The following LYL1 variants were observed in gnomAD, a reference collection of about 807,000 sequenced individuals.
The protein encoded by LYL1 is LYL1 basic helix-loop-helix family member, also known as protein lyl-1.
Under a neutral mutation model 11.1 loss-of-function variants are expected in LYL1, and 4 were observed. That is an observed-to-expected ratio of 0.36 (90% CI 0.18 to 0.82). The LOEUF (loss-of-function observed/expected upper bound fraction) is 0.82. Ranked by LOEUF, LYL1 falls within the 40% of genes least tolerant of loss-of-function variation. The probability of loss-of-function intolerance (pLI) is 0.49; values close to 1 mark genes in which losing one functional copy is unlikely to be tolerated. For missense variants in LYL1, 356 were observed against 397.6 expected (o/e 0.90, Z 0.89); for synonymous variants, 179 against 174.8 (o/e 1.02, Z -0.19).
Position 13,100,833 on chromosome 19 carries a change from T to C in LYL1, c.335+4A>G. 1 of 1,581,982 alleles carries C rather than the reference T, an allele frequency of 6.3e-7. No individual in the cohort carries two copies. Among genetic ancestry groups the C allele is most frequent in the Non-Finnish European group, 8.6e-7 (1 of 1,163,950 alleles). On this transcript the variant is annotated splice_donor_region_variant and intron_variant, in intron 2 of 3. Coordinates refer to ENST00000264824, the MANE Select transcript of LYL1 (RefSeq NM_005583.5). The stretch of plus-strand genomic sequence containing the variant: ...ACTGCCCCCCACCCCAGATCCCCAC[T>C]GACCTGTTGAGGAAGGGGTGAGGGT...
rs1446590574 is a variant in LYL1 at position 13,101,193 on chromosome 19, C to A, written c.-22G>T. 3 of 1,377,884 alleles carry A rather than the reference C, an allele frequency of 2.2e-6. No individual in the cohort carries two copies. The highest frequency in any genetic ancestry group is 3.4e-5 in the Admixed American group (1 of 29,470). 85.4% of individuals were successfully genotyped at this position (1,377,884 alleles called of 1,614,324 possible). On this transcript the variant is annotated splice_region_variant and 5_prime_UTR_variant, in exon 2 of 4. Coordinates refer to ENST00000264824, the MANE Select transcript of LYL1 (RefSeq NM_005583.5). This position sits in a 1 kb window ranked among gnomAD's most constrained non-coding sequence, Gnocchi z 5.1. Reference sequence around the variant, plus strand: ...ACATGGACCCCGACGTGGGGGTACTCACCTGTGGGAAAGAAGGCAGCCAGT... The same window carrying A: ...ACATGGACCCCGACGTGGGGGTACTAACCTGTGGGAAAGAAGGCAGCCAGT...
Position 13,101,990 on chromosome 19 carries a change from G to C in LYL1, c.-25+541C>G, listed in dbSNP as rs1264785650. ...TTTTTAAAATTTGTTTATTTTTTTA[G>C]AGACAGGGTCTCCCTCTGTTGTCCA... On this transcript the variant is annotated intron_variant, in intron 1 of 3. Transcript: ENST00000264824. This position sits in a 1 kb window ranked among gnomAD's most constrained non-coding sequence, Gnocchi z 5.1. The C allele has an allele frequency of 4.4e-6, 1 of 226,456 alleles. No individual in the cohort carries two copies. Among genetic ancestry groups the C allele is most frequent in the Non-Finnish European group, 8.8e-6 (1 of 113,940 alleles). 14.0% of individuals were successfully genotyped at this position (226,456 alleles called of 1,614,324 possible). A position where few individuals can be genotyped will look rare whatever the true frequency, so the allele number is the denominator to read the frequency against.
At chr19:13,100,219 GGTT>G (rs985676662) in intron 3 of LYL1, among the ~76,000 whole-genome samples, 3 of 152,330 alleles carry the variant, frequency 2.0e-5, no homozygotes, top group African/African-American at 7.2e-5. Context: ...GAGTGGCTGT[GGTT>G]GTGTGGCTGA....
At chr19:13,100,618 A>G (rs1179680809) in intron 3 of LYL1, 39 bp downstream of exon 3, 2 of 1,582,026 alleles carry the variant, frequency 1.3e-6, no homozygotes, top group African/African-American at 1.3e-5. Context: ...GTGCACATAC[A>G]GGCATACAAA....
chr19:13,099,818 G>T lies in LYL1; in HGVS notation c.428-84C>A. 7.9e-7 allele frequency: 1 copy of T among 1,265,868 alleles called. No homozygotes were observed. The highest frequency in any genetic ancestry group is 1.0e-6 in the Non-Finnish European group (1 of 967,076). 78.4% of individuals were successfully genotyped at this position (1,265,868 alleles called of 1,614,324 possible). On this transcript the variant is annotated intron_variant, in intron 3 of 3. Transcript: ENST00000264824. The surrounding 1 kb of genome is among the most constrained non-coding windows in gnomAD (Gnocchi z 5.3). ...CCCGCTAGACACGCAGCACCCTCGT[G>T]GGAACTTAAACCCAGGCCATGGGCT...
rs2018694780 is a variant in LYL1, at chr19:13,102,138, A to G, written c.-25+393T>C. The G allele has an allele frequency of 9.7e-6, 2 of 206,768 alleles. No individual in the cohort carries two copies. Among genetic ancestry groups the G allele is most frequent in the African/African-American group, 2.3e-5 (1 of 43,638 alleles). 12.8% of individuals were successfully genotyped at this position (206,768 alleles called of 1,614,324 possible). A position where few individuals can be genotyped will look rare whatever the true frequency, so the allele number is the denominator to read the frequency against. Reference sequence around the variant, plus strand: ...AGGCATGTGCCACCATGCCCGGCTAATTTAAAAAAAAAAATTTTTTTTGTA... The same window carrying G: ...AGGCATGTGCCACCATGCCCGGCTAGTTTAAAAAAAAAAATTTTTTTTGTA... On this transcript the variant is annotated intron_variant, in intron 1 of 3. Transcript: ENST00000264824. This position sits in a 1 kb window ranked among gnomAD's most constrained non-coding sequence, Gnocchi z 4.9.
chr19:13,099,629 GGCA>G lies in LYL1; in HGVS notation c.530_532del (p.Leu177del). 1.3e-6 allele frequency: 2 copies of G among 1,554,380 alleles called. No homozygotes were observed. The highest frequency in any genetic ancestry group is 1.7e-6 in the Non-Finnish European group (2 of 1,149,588). On this transcript the variant is annotated inframe_deletion, in exon 4 of 4. Coordinates refer to ENST00000264824, the MANE Select transcript of LYL1 (RefSeq NM_005583.5). This position sits in a 1 kb window ranked among gnomAD's most constrained non-coding sequence, Gnocchi z 5.3. ...CAGCTTCCGGTCGGGCGGGTGCGTC[GGCA>G]GCAGCTTCCTCAGCTCGGCGAAGGC...
rs2018632419 is a variant in LYL1 at position 13,099,110 on chromosome 19, T to C, written c.*209A>G. ...ACCGGGCAAGGCCACTTCCAGAGGG[T>C]TGTGGGTGATTTTTTTAAGGGTCTG... is the stretch of plus-strand genomic sequence containing the variant. On this transcript the variant is annotated 3_prime_UTR_variant, in exon 4 of 4. Coordinates refer to ENST00000264824, the MANE Select transcript of LYL1 (RefSeq NM_005583.5). This position sits in a 1 kb window ranked among gnomAD's most constrained non-coding sequence, Gnocchi z 5.3. 1 of 409,210 alleles carries C rather than the reference T, an allele frequency of 2.4e-6. No individual in the cohort carries two copies. The highest frequency in any genetic ancestry group is 2.1e-5 in the African/African-American group (1 of 48,558). The allele number at this position is 409,210 out of a possible 1,614,324, so 25.3% of individuals were successfully genotyped here. A position where few individuals can be genotyped will look rare whatever the true frequency, so the allele number is the denominator to read the frequency against.
At position 13,099,344 on chromosome 19, in the gene LYL1, G is replaced by C; in HGVS notation, c.818C>G (p.Thr273Ser). 7.8e-7 allele frequency: 1 copy of C among 1,284,786 alleles called. No homozygotes were observed. The highest frequency in any genetic ancestry group is 9.9e-7 in the Non-Finnish European group (1 of 1,014,026). 79.6% of individuals were successfully genotyped at this position (1,284,786 alleles called of 1,614,324 possible). A position where few individuals can be genotyped will look rare whatever the true frequency, so the allele number is the denominator to read the frequency against. Residue 273 changes from threonine to serine, a missense_variant, in exon 4 of 4, where the codon ACC (threonine) becomes AGC (serine). Thr to Ser is a moderately conservative substitution (Grantham distance 58). Transcript: ENST00000264824. This position sits in a 1 kb window ranked among gnomAD's most constrained non-coding sequence, Gnocchi z 5.3. ...TCACCGCACCTCTGGGCTCAAAGCG[G>C]TTTGCTCCATCTTGATGGGCCGGGC... ...GAARPIKMEQ[T>S]ALSPEVR is the part of the protein sequence containing the mutation.
chr19:13,101,319 T>A lies in LYL1; in HGVS notation c.-24-124A>T. ...GGGGGAAAGGAGGAGGAGAGAAGTT[T>A]CAGTAGGCAAAGGCAGATGGCGGGG... On this transcript the variant is annotated intron_variant, in intron 1 of 3. Coordinates refer to ENST00000264824, the MANE Select transcript of LYL1 (RefSeq NM_005583.5). The surrounding 1 kb of genome is among the most constrained non-coding windows in gnomAD (Gnocchi z 5.1). 2.5e-6 allele frequency: 1 copy of A among 406,630 alleles called. No individual in the cohort carries two copies. The highest frequency in any genetic ancestry group is 4.3e-6 in the Non-Finnish European group (1 of 232,440). 25.2% of individuals were successfully genotyped at this position (406,630 alleles called of 1,614,324 possible).
rs775611060 is a variant in LYL1, at chr19:13,101,105, C to A, written c.67G>T (p.Ala23Ser). Residue 23 changes from alanine (A) to serine (S), a missense_variant, in exon 2 of 4, where the codon GCC becomes TCC. By Grantham distance (99) the Ala-to-Ser change is moderately conservative. Coordinates refer to ENST00000264824, the MANE Select transcript of LYL1 (RefSeq NM_005583.5). This position sits in a 1 kb window ranked among gnomAD's most constrained non-coding sequence, Gnocchi z 5.1. ...TMTEKAEMVC[A>S]PSPAPAPPPK... ...GGTGGGGCAGGCGCTGGGCTGGGGG[C>A]ACACACCATCTCTGCCTTCTCAGTC... The A allele has an allele frequency of 1.3e-6, 2 of 1,489,554 alleles. No individual in the cohort carries two copies. The highest frequency in any genetic ancestry group is 1.8e-6 in the Non-Finnish European group (2 of 1,122,746). 92.3% of individuals were successfully genotyped at this position (1,489,554 alleles called of 1,614,324 possible). A position where few individuals can be genotyped will look rare whatever the true frequency, so the allele number is the denominator to read the frequency against.
In LYL1 at chr19:13,102,366, T is replaced by C; in HGVS notation, c.-25+165A>G. On this transcript the variant is annotated intron_variant, in intron 1 of 3. Transcript: ENST00000264824. The surrounding 1 kb of genome is among the most constrained non-coding windows in gnomAD (Gnocchi z 4.9). ...GATGTCCCAGCAAGGTGTGAGACTG[T>C]TGGCCCCTCTGCCCTGTCTTCCTCA... The C allele has an allele frequency of 5.0e-6, 1 of 199,996 alleles. No homozygotes were observed. Among genetic ancestry groups the C allele is most frequent in the Non-Finnish European group, 1.0e-5 (1 of 96,676 alleles). The allele number at this position is 199,996 out of a possible 1,614,324, so 12.4% of individuals were successfully genotyped here. A position where few individuals can be genotyped will look rare whatever the true frequency, so the allele number is the denominator to read the frequency against.
Position 13,099,401 on chromosome 19 carries a change from G to T in LYL1, c.761C>A (p.Pro254Gln). The T allele has an allele frequency of 8.0e-7, 1 of 1,243,810 alleles. No individual in the cohort carries two copies. The highest frequency in any genetic ancestry group is 1.0e-6 in the Non-Finnish European group (1 of 990,138). The allele number at this position is 1,243,810 out of a possible 1,614,324, so 77.0% of individuals were successfully genotyped here. The change falls in exon 4 of 4, where the codon CCG becomes CAG. Residue 254 changes from proline (P) to glutamine (Q), a missense_variant. Physicochemically the swap from Pro to Gln is moderately conservative, Grantham distance 76. Transcript: ENST00000264824. This position sits in a 1 kb window ranked among gnomAD's most constrained non-coding sequence, Gnocchi z 5.3. ...EAAARSQPAP[P>Q]ADPDGSPGGA... Reference sequence around the variant, plus strand: ...ACCGGGGCTGCCGTCGGGGTCGGCCGGGGGCGCGGGCTGCGAGCGCGCTGC... The same window carrying T: ...ACCGGGGCTGCCGTCGGGGTCGGCCTGGGGCGCGGGCTGCGAGCGCGCTGC...
Position 13,099,209 on chromosome 19 carries a change from C to T in LYL1, c.*110G>A, listed in dbSNP as rs1467208466. Reference sequence around the variant, plus strand: ...GCCCCTGACGTCTTCACTGGTCCTTCTTCGGGGGAGTTCGCTCCCGAACAT... The same window carrying T: ...GCCCCTGACGTCTTCACTGGTCCTTTTTCGGGGGAGTTCGCTCCCGAACAT... On this transcript the variant is annotated 3_prime_UTR_variant, in exon 4 of 4. Coordinates refer to ENST00000264824, the MANE Select transcript of LYL1 (RefSeq NM_005583.5). This position sits in a 1 kb window ranked among gnomAD's most constrained non-coding sequence, Gnocchi z 5.3. The T allele has an allele frequency of 3.3e-5, 35 of 1,055,820 alleles. No individual in the cohort carries two copies. Among genetic ancestry groups the T allele is most frequent in the Non-Finnish European group, 4.1e-5 (34 of 829,788 alleles). 65.4% of individuals were successfully genotyped at this position (1,055,820 alleles called of 1,614,324 possible).
In LYL1 at chr19:13,100,821, CCA is replaced by C; in HGVS notation, c.335+14_335+15del. 1 of 1,588,988 alleles carries C rather than the reference CCA, an allele frequency of 6.3e-7. No homozygotes were observed. Among genetic ancestry groups the C allele is most frequent in the South Asian group, 1.1e-5 (1 of 88,580 alleles). On this transcript the variant is annotated intron_variant, in intron 2 of 3. Coordinates refer to ENST00000264824, the MANE Select transcript of LYL1 (RefSeq NM_005583.5). ...CCCCCAATCCCCACTGCCCCCCACC[CCA>C]GATCCCCACTGACCTGTTGAGGAAG...
Position 13,099,664 on chromosome 19 carries a change from A to G in LYL1, c.498T>C (p.Val166=). 6.4e-7 allele frequency: 1 copy of G among 1,551,340 alleles called. No homozygotes were observed. The highest frequency in any genetic ancestry group is 8.7e-7 in the Non-Finnish European group (1 of 1,148,256). Residue 166 remains valine, a synonymous_variant, in exon 4 of 4, where the codon GTT becomes GTC. Transcript: ENST00000264824. The surrounding 1 kb of genome is among the most constrained non-coding windows in gnomAD (Gnocchi z 5.3). ...TCCTCAGCTCGGCGAAGGCGCCGTTAACGTTCTGCTGCCGCCAGCGCTCCC... is the reference window on the plus strand; with the variant it reads ...TCCTCAGCTCGGCGAAGGCGCCGTTGACGTTCTGCTGCCGCCAGCGCTCCC... ...NSRERWRQQN[V]NGAFAELRKL...
In LYL1 at chr19:13,099,387, C is replaced by A. The variant is rs1480041687; in HGVS notation, c.775G>T (p.Gly259Cys). 8.0e-7 allele frequency: 1 copy of A among 1,256,746 alleles called. No individual in the cohort carries two copies. The highest frequency in any genetic ancestry group is 1.0e-6 in the Non-Finnish European group (1 of 997,788). 77.8% of individuals were successfully genotyped at this position (1,256,746 alleles called of 1,614,324 possible). A position where few individuals can be genotyped will look rare whatever the true frequency, so the allele number is the denominator to read the frequency against. Residue 259 changes from glycine to cysteine, a missense_variant, in exon 4 of 4, where the codon GGC (glycine) becomes TGC (cysteine). By Grantham distance (159) the Gly-to-Cys change is radical. Coordinates refer to ENST00000264824, the MANE Select transcript of LYL1 (RefSeq NM_005583.5). This position sits in a 1 kb window ranked among gnomAD's most constrained non-coding sequence, Gnocchi z 5.3. ...SQPAPPADPD[G>C]SPGGAARPIK... The stretch of plus-strand genomic sequence containing the variant: ...GGCCGGGCCGCTCCACCGGGGCTGC[C>A]GTCGGGGTCGGCCGGGGGCGCGGGC...
intron 2 of LYL1, 21 bp downstream of exon 2, chr19:13,100,816 C>G (rs766465464): frequency 6.3e-7 from 1 of 1,593,780 alleles, no homozygotes; most frequent in East Asian, 2.3e-5. Context: ...CCACTGCCCC[C>G]CACCCCAGAT....
Position 13,101,075 on chromosome 19 carries a change from T to C in LYL1, c.97A>G (p.Lys33Glu). ...TGCGGGGGCCCAGGCGAGGCAGGCT[T>C]AGGGGGTGGGGCAGGCGCTGGGCTG... ...APSPAPAPPP[K>E]PASPGPPQVE... Residue 33 changes from lysine to glutamate, a missense_variant, in exon 2 of 4, where the codon AAG (lysine) becomes GAG (glutamate). Lys to Glu is a moderately conservative substitution (Grantham distance 56, BLOSUM62 1). Coordinates refer to ENST00000264824, the MANE Select transcript of LYL1 (RefSeq NM_005583.5). This position sits in a 1 kb window ranked among gnomAD's most constrained non-coding sequence, Gnocchi z 5.1. 1 of 1,488,576 alleles carries C rather than the reference T, an allele frequency of 6.7e-7. No homozygotes were observed. The highest frequency in any genetic ancestry group is 1.4e-5 in the African/African-American group (1 of 71,004). The allele number at this position is 1,488,576 out of a possible 1,614,324, so 92.2% of individuals were successfully genotyped here.
Sources: allele counts gnomAD v4.1 joint callset (sites outside exome capture counted in the v4.1 genomes callset), GRCh38; gene constraint gnomAD v4.1.1; non-coding constraint Gnocchi (gnomAD v3.1); transcripts MANE v1.5; gene names NCBI Gene and HGNC (gene_info 2026-07-23, HGNC 2026-07-21).